CACNA1C: variants seen among roughly 807,000 people sequenced by gnomAD.
CACNA1C encodes the protein voltage-dependent L-type calcium channel subunit alpha-1C.
In CACNA1C, 30 loss-of-function variants were observed where a neutral mutation model predicts 229.0. That is an observed-to-expected ratio of 0.13 (90% CI 0.10 to 0.18). The LOEUF (loss-of-function observed/expected upper bound fraction) is 0.18, where lower values mean the gene tolerates loss of function less well. Among genes scored for constraint, CACNA1C ranks in the 10% least tolerant of loss-of-function variants. The probability of loss-of-function intolerance (pLI) is 1.00; values close to 1 mark genes in which losing one functional copy is unlikely to be tolerated. For missense variants in CACNA1C, 1,658 were observed against 2,845.0 expected (o/e 0.58, Z 9.49); for synonymous variants, 1,114 against 1,132.5 (o/e 0.98, Z 0.33).
chr12:2,640,902 G>A (rs188848140), intron 30 of CACNA1C, among the ~76,000 whole-genome samples: 590 of 152,324 alleles, frequency 3.9e-3, no homozygotes, highest in South Asian at 9.1e-3. Flanking sequence ...ACCCCCTCAG[G>A]GGTGAGTCAG....
intron 3 of CACNA1C, among the ~76,000 whole-genome samples, chr12:2,412,475 C>T (rs2098818977): frequency 6.6e-6 from 1 of 152,194 alleles, no homozygotes; most frequent in African/African-American, 2.4e-5. Flanking sequence ...GCATAAGCTC[C>T]AGGAGCCCAG....
chr12:2,395,120 A>G (rs922996592), intron 3 of CACNA1C, among the ~76,000 whole-genome samples: 1 of 152,034 alleles, frequency 6.6e-6, no homozygotes, highest in South Asian at 2.1e-4. Context: ...CCCAGGCTCA[A>G]ATGATTTCCT....
At chr12:2,503,280 G>A (rs1043808104) in intron 7 of CACNA1C, among the ~76,000 whole-genome samples, 1 of 152,178 alleles carries the variant, frequency 6.6e-6, no homozygotes, top group African/African-American at 2.4e-5. Flanking sequence ...CACTTTGAGA[G>A]CCATTGATGT....
intron 3 of CACNA1C, among the ~76,000 whole-genome samples, chr12:2,305,598 C>T (rs182623313): frequency 6.6e-6 from 1 of 152,176 alleles, no homozygotes; most frequent in Admixed American, 6.5e-5. Flanking sequence ...AGTCCCAGCT[C>T]TTTGGGAGGC....
chr12:2,645,912 G>A (rs1174036634), intron 30 of CACNA1C, among the ~76,000 whole-genome samples: 1 of 152,132 alleles, frequency 6.6e-6, no homozygotes, highest in African/African-American at 2.4e-5. Context: ...TTCCAAAGTT[G>A]GTCTCTTTGG....
At chr12:2,607,305 G>T in intron 26 of CACNA1C, 175 bp downstream of exon 26, 34 of 595,658 alleles carry the variant, frequency 5.7e-5, no homozygotes, top group Non-Finnish European at 8.1e-5. Flanking sequence ...TGTCACTGCT[G>T]AAACCGACTC....
chr12:2,331,766 A>G (rs959717654), intron 3 of CACNA1C, among the ~76,000 whole-genome samples: 2 of 152,262 alleles, frequency 1.3e-5, no homozygotes, highest in African/African-American at 4.8e-5. Flanking sequence ...TGAGCTAATC[A>G]GGAGGAAATA....
chr12:2,114,812 C>G (rs181916930), intron 1 of CACNA1C, among the ~76,000 whole-genome samples: 65 of 152,326 alleles, frequency 4.3e-4, no homozygotes, highest in African/African-American at 1.2e-3. Context: ...TCATTTTCCT[C>G]CTCACCTTCC....
intron 3 of CACNA1C, among the ~76,000 whole-genome samples, chr12:2,293,523 A>G (rs905394336): frequency 3.9e-5 from 6 of 152,224 alleles, no homozygotes; most frequent in South Asian, 4.1e-4. Context: ...ATGTGGCCCA[A>G]CACAAATGCA....
intron 9 of CACNA1C, chr12:2,547,455 A>C (rs979536254): frequency 2.6e-6 from 2 of 779,456 alleles, no homozygotes; most frequent in African/African-American, 3.4e-5. Context: ...GAAAGGAGGC[A>C]CTCCGGCGGG....
intron 1 of CACNA1C, among the ~76,000 whole-genome samples, chr12:2,033,551 T>C (rs2048583853): frequency 6.6e-6 from 1 of 152,162 alleles, no homozygotes; most frequent in Admixed American, 6.5e-5. Flanking sequence ...CTTGGGGGCA[T>C]TGTGTTCAGA....
rs1225914658 is a variant in CACNA1C, at chr12:2,610,606, C to T, written c.3624C>T (p.His1208=). The T allele has an allele frequency of 1.9e-6, 3 of 1,614,072 alleles. No individual in the cohort carries two copies. The highest frequency in any genetic ancestry group is 1.3e-5 in the African/African-American group (1 of 74,944). The change falls in exon 28 of 47, where the codon CAC becomes CAT. Residue 1208 remains histidine, a synonymous_variant. Coordinates refer to ENST00000399655, the MANE Select transcript of CACNA1C (RefSeq NM_000719.7). The part of the protein sequence containing the change: ...PLRRYIPKNQ[H]QYKVWYVVNS... ...GGAGGTACATCCCCAAGAACCAGCACCAGTACAAAGTGTGGTACGTGGTCA... is the reference window on the plus strand; with the variant it reads ...GGAGGTACATCCCCAAGAACCAGCATCAGTACAAAGTGTGGTACGTGGTCA...
In CACNA1C at chr12:2,560,724, C is replaced by A. The variant is rs190966316; in HGVS notation, c.1508+3747C>A. 8.5e-5 allele frequency among the ~76,000 whole-genome samples: 13 copies of A among 152,150 alleles called. No homozygotes were observed. In the East Asian group the frequency reaches 2.3e-3, roughly 27 times the overall value. Reference sequence around the variant, plus strand: ...CTTCCAATGTTCTCTTCACTTCTGCCATACCATCAGCAACAAGGCACAAAT... The same window carrying A: ...CTTCCAATGTTCTCTTCACTTCTGCAATACCATCAGCAACAAGGCACAAAT... On this transcript the variant is annotated intron_variant, in intron 11 of 46. Coordinates refer to ENST00000399655, the MANE Select transcript of CACNA1C (RefSeq NM_000719.7).
intron 5 of CACNA1C, among the ~76,000 whole-genome samples, chr12:2,477,999 G>A (rs1471665865): frequency 6.6e-6 from 1 of 152,046 alleles, no homozygotes. Context: ...AGGTGTGGAT[G>A]CATGTACTTA....
intron 3 of CACNA1C, among the ~76,000 whole-genome samples, chr12:2,352,761 G>A (rs2097242761): frequency 6.6e-6 from 1 of 152,156 alleles, no homozygotes; most frequent in Non-Finnish European, 1.5e-5. Flanking sequence ...ACCGTTGAGT[G>A]TCTGGCAAAG....
intron 1 of CACNA1C, among the ~76,000 whole-genome samples, chr12:2,101,505 G>C (rs1363325150): frequency 6.6e-6 from 1 of 152,206 alleles, no homozygotes; most frequent in Non-Finnish European, 1.5e-5. Flanking sequence ...GTGCAGAACA[G>C]AAATGCACGC....
At chr12:1,998,878 A>C (rs1437792733) in intron 1 of CACNA1C, among the ~76,000 whole-genome samples, 1 of 152,232 alleles carries the variant, frequency 6.6e-6, no homozygotes, top group Non-Finnish European at 1.5e-5. Flanking sequence ...TTTTATTATT[A>C]ATATTCATCA....
chr12:2,205,153 A>C (rs12423277), intron 3 of CACNA1C, among the ~76,000 whole-genome samples: 87,066 of 151,884 alleles, frequency 0.57, 27,394 homozygotes, highest in African/African-American at 0.85. Flanking sequence ...TGGTTGCCAG[A>C]CTTTCTAGAA....
chr12:2,577,928 G>A (rs1260789660), intron 13 of CACNA1C, among the ~76,000 whole-genome samples: 5 of 150,962 alleles, frequency 3.3e-5, no homozygotes, highest in Non-Finnish European at 5.9e-5. Context: ...GAGTGCAGTG[G>A]CGCGATCTCG....
Sources: gnomAD v4.1 joint callset for allele counts (sites outside exome capture counted in the v4.1 genomes callset) on GRCh38, gnomAD v4.1.1 for gene constraint, MANE v1.5 for transcripts, NCBI Gene and HGNC (gene_info 2026-07-23, HGNC 2026-07-21) for gene names.